TTC23: variants seen among roughly 807,000 people sequenced by gnomAD.
TTC23 encodes the protein tetratricopeptide repeat protein 23.
TTC23 carries 58 observed loss-of-function variants against 55.1 expected under a neutral mutation model. The observed-to-expected ratio is 1.05, with a 90% confidence interval of 0.85 to 1.31. TTC23 has a LOEUF of 1.31. TTC23 is among the 50% of genes most tolerant of loss of function. The pLI, the probability that TTC23 is intolerant of heterozygous loss-of-function variation, is 0.00. For missense variants in TTC23, 516 were observed against 534.4 expected (o/e 0.97, Z 0.34); for synonymous variants, 203 against 199.9 (o/e 1.02, Z -0.13).
Position 99,137,152 on chromosome 15 carries a change from C to T in TTC23, c.*858G>A, listed in dbSNP as rs3743241. The T allele has an allele frequency of 0.079, 12,093 of 152,408 alleles. 516 individuals are homozygous for T. The highest frequency in any genetic ancestry group is 0.12 in the Admixed American group (1,838 of 15,304). The allele number at this position is 152,408 out of a possible 1,614,324, so 9.4% of individuals were successfully genotyped here. A position where few individuals can be genotyped will look rare whatever the true frequency, so the allele number is the denominator to read the frequency against. ...ACCTCGATCTGGCACTGGATCTCCT[C>T]GTTGACATCGTGGAGGAAGGCACTC... On this transcript the variant is annotated 3_prime_UTR_variant, in exon 14 of 14. Transcript: ENST00000394132.
At chr15:99,213,063 C>T (rs1020520197) in intron 8 of TTC23, among the ~76,000 whole-genome samples, 6 of 151,020 alleles carry the variant, frequency 4.0e-5, no homozygotes, top group Admixed American at 2.6e-4. Flanking sequence ...CCTTCCACTT[C>T]CAAGACCTGG....
intron 4 of TTC23, among the ~76,000 whole-genome samples, chr15:99,233,978 T>C (rs2100359): frequency 0.02 from 3,099 of 152,120 alleles, 93 homozygotes; most frequent in African/African-American, 0.07. Context: ...TATTCACACG[T>C]AAAAATAAAA....
chr15:99,187,452 C>CAAAAAAAAAAAAAAAAAAAAAAAA lies in TTC23; in HGVS notation c.760-12298_760-12297insTTTTTTTTTTTTTTTTTTTTTTTT, dbSNP rs66568931. Among the ~76,000 whole-genome samples the CAAAAAAAAAAAAAAAAAAAAAAAA allele has an allele frequency of 4.5e-4, 20 of 44,484 alleles. 1 individual carries two copies. The highest frequency in any genetic ancestry group is 6.9e-4 in the African/African-American group (7 of 10,190). 29.2% of individuals were successfully genotyped at this position (44,484 alleles called of 152,430 possible). The stretch of plus-strand genomic sequence containing the variant: ...GGAGATGTGATGCCAAAAGCACAAG[C>CAAAAAAAAAAAAAAAAAAAAAAAA]AAAAAAAAAAAAAAAACAAAACAAA... On this transcript the variant is annotated intron_variant, in intron 9 of 13. Coordinates refer to ENST00000394132, the MANE Select transcript of TTC23 (RefSeq NM_001288615.3).
At chr15:99,182,016 TGGTTG>T (rs2074170377) in intron 9 of TTC23, among the ~76,000 whole-genome samples, 1 of 152,214 alleles carries the variant, frequency 6.6e-6, no homozygotes, top group African/African-American at 2.4e-5. Context: ...TTTCTTCGTT[TGGTTG>T]CAAGTATGTG....
chr15:99,149,936 C>G (rs547681743), intron 12 of TTC23, among the ~76,000 whole-genome samples: 4 of 152,358 alleles, frequency 2.6e-5, no homozygotes, highest in Non-Finnish European at 5.9e-5. Flanking sequence ...TTGCCACCCC[C>G]CTCTATTCTG....
At chr15:99,221,994 T>C (rs561810268) in intron 5 of TTC23, 130 bp from the exon 6 acceptor site, 10 of 1,035,232 alleles carry the variant, frequency 9.7e-6, no homozygotes, top group Middle Eastern at 3.2e-4. Flanking sequence ...TTCTAAGCAC[T>C]TGAGATGTAT....
At chr15:99,219,526 T>C (rs191195181) in intron 6 of TTC23, among the ~76,000 whole-genome samples, 1 of 152,314 alleles carries the variant, frequency 6.6e-6, no homozygotes, top group Admixed American at 6.5e-5. Context: ...AATACATATC[T>C]GATATCTACA....
Position 99,137,455 on chromosome 15 carries a change from A to T in TTC23, c.*555T>A, listed in dbSNP as rs1285390978. On this transcript the variant is annotated 3_prime_UTR_variant, in exon 14 of 14. Coordinates refer to ENST00000394132, the MANE Select transcript of TTC23 (RefSeq NM_001288615.3). ...GGTGTGTCGGCCTCCTGCCCCTCCT[A>T]CTGGGCTCTTTCTCAAACCCCTTTT... 2 of 152,312 alleles carry T rather than the reference A, an allele frequency of 1.3e-5. No homozygotes were observed. Among genetic ancestry groups the T allele is most frequent in the African/African-American group, 4.8e-5 (2 of 41,408 alleles). 9.4% of individuals were successfully genotyped at this position (152,312 alleles called of 1,614,324 possible). A position where few individuals can be genotyped will look rare whatever the true frequency, so the allele number is the denominator to read the frequency against.
Position 99,206,165 on chromosome 15 carries a change from G to A in TTC23, c.582-6069C>T, listed in dbSNP as rs1385796975. Among the ~76,000 whole-genome samples, 3 of 152,132 alleles carry A rather than the reference G, an allele frequency of 2.0e-5. No homozygotes were observed. In the South Asian group the frequency reaches 6.2e-4, roughly 32 times the overall value. On this transcript the variant is annotated intron_variant, in intron 8 of 13. Transcript: ENST00000394132. ...TATGTTGAACCATCCTTGCATCCCT[G>A]GGATGAATTCCACTTGATCAAGATG... is the stretch of plus-strand genomic sequence containing the variant.
Position 99,156,198 on chromosome 15 carries a change from C to T in TTC23, c.1093G>A (p.Ala365Thr). The T allele has an allele frequency of 6.2e-7, 1 of 1,614,246 alleles. No individual in the cohort carries two copies. Among genetic ancestry groups the T allele is most frequent in the Non-Finnish European group, 8.5e-7 (1 of 1,180,048 alleles). ...CTGTGGTTCCCCTGCGCCAGGTCTG[C>T]TCCTCCCAGGAGCCGGTATGTCTCT... ...VAETYRLLGG[A>T]DLAQGNHSGA... Residue 365 changes from alanine (A) to threonine (T), a missense_variant, in exon 12 of 14, where the codon GCA (alanine) becomes ACA (threonine). Physicochemically the swap from Ala to Thr is moderately conservative, Grantham distance 58 (BLOSUM62 0). Coordinates refer to ENST00000394132, the MANE Select transcript of TTC23 (RefSeq NM_001288615.3).
At chr15:99,190,404 C>A (rs1308897529) in intron 9 of TTC23, among the ~76,000 whole-genome samples, 6 of 151,880 alleles carry the variant, frequency 4.0e-5, no homozygotes, top group Non-Finnish European at 5.9e-5. Context: ...TCCCAAGTAG[C>A]TGGAATTACA....
At chr15:99,210,240 A>G (rs7170952) in intron 8 of TTC23, among the ~76,000 whole-genome samples, 13,731 of 152,160 alleles carry the variant, frequency 0.09, 1,001 homozygotes, top group East Asian at 0.31. Flanking sequence ...AAGGAAAGAC[A>G]GAAATGCAGT....
At chr15:99,204,437 TTC>T (rs1169825649) in intron 8 of TTC23, among the ~76,000 whole-genome samples, 5 of 152,080 alleles carry the variant, frequency 3.3e-5, no homozygotes, top group Admixed American at 3.3e-4. Context: ...TGTGGATTGT[TTC>T]TTCACTTTGT....
At chr15:99,138,368 C>T (rs1159885905) in intron 13 of TTC23, among the ~76,000 whole-genome samples, 1 of 151,652 alleles carries the variant, frequency 6.6e-6, no homozygotes, top group East Asian at 1.9e-4. Flanking sequence ...GGCTGGAGTG[C>T]AGTGGCCCCA....
chr15:99,230,030 A>C (rs2078806245), intron 4 of TTC23, among the ~76,000 whole-genome samples: 1 of 152,248 alleles, frequency 6.6e-6, no homozygotes, highest in Admixed American at 6.5e-5. Flanking sequence ...CTAGCATCCA[A>C]AGATTACCAA....
intron 9 of TTC23, among the ~76,000 whole-genome samples, chr15:99,197,104 CTTT>C (rs71456913): frequency 6.3e-5 from 9 of 142,236 alleles, no homozygotes; most frequent in Admixed American, 7.0e-5. Flanking sequence ...GGTTTCTGTT[CTTT>C]TTTTTTTTTT....
At chr15:99,213,578 A>G (rs757564110) in intron 8 of TTC23, among the ~76,000 whole-genome samples, 3 of 152,190 alleles carry the variant, frequency 2.0e-5, no homozygotes, top group Non-Finnish European at 4.4e-5. Flanking sequence ...CAGAATACCT[A>G]ATTTCTGGCA....
chr15:99,164,734 G>T (rs1174133904), intron 10 of TTC23, among the ~76,000 whole-genome samples: 2 of 152,136 alleles, frequency 1.3e-5, no homozygotes, highest in African/African-American at 4.8e-5. Context: ...GAATTGATTT[G>T]GATTTATTTT....
At chr15:99,176,671 C>A (rs1200189622) in intron 9 of TTC23, among the ~76,000 whole-genome samples, 5 of 152,116 alleles carry the variant, frequency 3.3e-5, no homozygotes, top group African/African-American at 1.2e-4. Flanking sequence ...AGGCAAAACA[C>A]ACTAGCAATT....
Sources: gnomAD v4.1 joint callset for allele counts (sites outside exome capture counted in the v4.1 genomes callset) on GRCh38, gnomAD v4.1.1 for gene constraint, MANE v1.5 for transcripts, NCBI Gene and HGNC (gene_info 2026-07-23, HGNC 2026-07-21) for gene names.